Variants in CIB4 observed in about 807,000 individuals in gnomAD.
CIB4 encodes calcium and integrin binding family member 4.
In CIB4, 25 loss-of-function variants were observed where a neutral mutation model predicts 25.8. That is an observed-to-expected ratio of 0.97 (90% CI 0.71 to 1.35). CIB4 has a LOEUF of 1.35. Among genes scored for constraint, CIB4 ranks in the 40% most tolerant of loss-of-function variants. The probability of loss-of-function intolerance (pLI) is 0.00; values close to 1 mark genes in which losing one functional copy is unlikely to be tolerated. For synonymous variants in CIB4, 75 were observed against 81.4 expected, an observed-to-expected ratio of 0.92 and a Z score of 0.42; for missense variants, 235 against 228.2, an observed-to-expected ratio of 1.03 and a Z score of -0.19.
chr2:26,587,966 G>T (rs942079734), intron 4 of CIB4, among the ~76,000 whole-genome samples: 3 of 152,208 alleles, frequency 2.0e-5, no homozygotes, highest in African/African-American at 7.2e-5. Context: ...CAGGATATGG[G>T]TGTGGAAGGT....
At chr2:26,629,170 G>A (rs1205906692) in intron 3 of CIB4, among the ~76,000 whole-genome samples, 1 of 148,224 alleles carries the variant, frequency 6.7e-6, no homozygotes, top group African/African-American at 2.7e-5. Flanking sequence ...AGTAGTGACT[G>A]TTATCACAGG....
At chr2:26,622,851 C>G (rs1440787469) in intron 3 of CIB4, among the ~76,000 whole-genome samples, 1 of 152,066 alleles carries the variant, frequency 6.6e-6, no homozygotes, top group African/African-American at 2.4e-5. Context: ...GGCATGGCGG[C>G]ACGCGCCTGT....
In CIB4 at chr2:26,601,234, ATATATATATATATAT is replaced by A. The variant is rs1668783215; in HGVS notation, c.187-5932_187-5918del. 3.2e-3 allele frequency among the ~76,000 whole-genome samples: 28 copies of A among 8,824 alleles called. 2 individuals are homozygous for A. The highest frequency in any genetic ancestry group is 0.011 in the Admixed American group (9 of 814). 5.8% of individuals were successfully genotyped at this position (8,824 alleles called of 152,430 possible). On this transcript the variant is annotated intron_variant, in intron 3 of 6. Coordinates refer to ENST00000288861, the MANE Select transcript of CIB4 (RefSeq NM_001029881.3). ...GACCATGTCAAAAAAAAAAAAAAAT[ATATATATATATATAT>A]ATATATATATATATATATATGCATG...
rs80195660 is a variant in CIB4, at chr2:26,633,288, A to C, written c.90-3782T>G. Among the ~76,000 whole-genome samples, 42 of 152,198 alleles carry C rather than the reference A, an allele frequency of 2.8e-4. No individual in the cohort carries two copies. The East Asian group carries it at 7.3e-3, about 27-fold the overall frequency. On this transcript the variant is annotated intron_variant, in intron 2 of 6. Transcript: ENST00000288861. Reference sequence around the variant, plus strand: ...CGGGTGCACTCACACACATCATCTCACTGAATTTTCCCAACAACTCTCTGT... The same window carrying C: ...CGGGTGCACTCACACACATCATCTCCCTGAATTTTCCCAACAACTCTCTGT...
chr2:26,632,587 A>G (rs946769456), intron 2 of CIB4, among the ~76,000 whole-genome samples: 1 of 151,858 alleles, frequency 6.6e-6, no homozygotes, highest in African/African-American at 2.4e-5. Flanking sequence ...TGAAACACCA[A>G]CTCTACCAAA....
At chr2:26,611,696 T>C (rs1668998346) in intron 3 of CIB4, among the ~76,000 whole-genome samples, 1 of 152,204 alleles carries the variant, frequency 6.6e-6, no homozygotes, top group Non-Finnish European at 1.5e-5. Flanking sequence ...TACAAAATTA[T>C]TTATAGTAAC....
At chr2:26,605,988 C>T (rs932807844) in intron 3 of CIB4, among the ~76,000 whole-genome samples, 3 of 152,202 alleles carry the variant, frequency 2.0e-5, no homozygotes, top group Non-Finnish European at 4.4e-5. Context: ...CGCCATGAGT[C>T]CCATGACCCT....
intron 3 of CIB4, chr2:26,623,354 A>C: frequency 4.6e-6 from 1 of 216,856 alleles, no homozygotes; most frequent in South Asian, 8.4e-5. Context: ...AAATAAATAA[A>C]TAAATAATAA....
At chr2:26,635,768 A>G (rs1355191126) in intron 2 of CIB4, among the ~76,000 whole-genome samples, 3 of 152,118 alleles carry the variant, frequency 2.0e-5, no homozygotes, top group Non-Finnish European at 2.9e-5. Context: ...AAGATAACCT[A>G]TTATCAGTTT....
chr2:26,637,526 A>T (rs1477103032), intron 2 of CIB4, among the ~76,000 whole-genome samples: 3 of 151,924 alleles, frequency 2.0e-5, no homozygotes, highest in Non-Finnish European at 4.4e-5. Flanking sequence ...AAGCCCCCTG[A>T]ACTTTGCTTT....
At chr2:26,609,753 T>G (rs770543051) in intron 3 of CIB4, among the ~76,000 whole-genome samples, 1 of 152,216 alleles carries the variant, frequency 6.6e-6, no homozygotes, top group South Asian at 2.1e-4. Context: ...TCAATTTTAA[T>G]GCTGTTGTAC....
chr2:26,603,891 T>C (rs907636511), intron 3 of CIB4, among the ~76,000 whole-genome samples: 4 of 150,528 alleles, frequency 2.7e-5, no homozygotes, highest in African/African-American at 9.8e-5. Context: ...TAGTCATAGC[T>C]CTTCAGGAGA....
At chr2:26,635,314 C>A (rs913028747) in intron 2 of CIB4, among the ~76,000 whole-genome samples, 6 of 152,182 alleles carry the variant, frequency 3.9e-5, no homozygotes, top group African/African-American at 1.4e-4. Flanking sequence ...CCCCACCAGC[C>A]CCCAGGAGGT....
intron 3 of CIB4, among the ~76,000 whole-genome samples, chr2:26,605,890 G>A (rs185875525): frequency 3.3e-3 from 504 of 152,250 alleles, no homozygotes; most frequent in Non-Finnish European, 5.4e-3. Flanking sequence ...TGCTACTTTT[G>A]ACTCCATCGA....
In CIB4 at chr2:26,601,377, C is replaced by T. The variant is rs543897373; in HGVS notation, c.187-6060G>A. Among the ~76,000 whole-genome samples, 65 of 151,340 alleles carry T rather than the reference C, an allele frequency of 4.3e-4. No homozygotes were observed. In the South Asian group the frequency reaches 0.014, roughly 32 times the overall value. On this transcript the variant is annotated intron_variant, in intron 3 of 6. Transcript: ENST00000288861. Reference sequence around the variant, plus strand: ...CAGAAACAGACCCACACATATATGGCTACCTGATTTATGACAAAGATAACA... The same window carrying T: ...CAGAAACAGACCCACACATATATGGTTACCTGATTTATGACAAAGATAACA...
intron 2 of CIB4, among the ~76,000 whole-genome samples, chr2:26,636,204 T>C (rs1669529725): frequency 6.6e-6 from 1 of 152,222 alleles, no homozygotes; most frequent in Non-Finnish European, 1.5e-5. Flanking sequence ...ACAATTTTCC[T>C]GAATGAATAT....
intron 3 of CIB4, among the ~76,000 whole-genome samples, chr2:26,616,896 G>A (rs10201737): frequency 0.17 from 25,740 of 152,096 alleles, 3,125 homozygotes; most frequent in African/African-American, 0.32. Context: ...GGAAGGGCAG[G>A]GCCTCTTCAT....
chr2:26,628,745 T>C (rs1669357031), intron 3 of CIB4, among the ~76,000 whole-genome samples: 3 of 152,140 alleles, frequency 2.0e-5, no homozygotes, highest in Admixed American at 2.0e-4. Flanking sequence ...TCCTGTCTTC[T>C]CAGAGAAGAA....
chr2:26,601,805 C>G lies in CIB4; in HGVS notation c.187-6488G>C, dbSNP rs181495454. ...GGTGCATTCATGCAATGGAATACTA[C>G]TCAGCAATAAAAATGAAGAACCATT... On this transcript the variant is annotated intron_variant, in intron 3 of 6. Coordinates refer to ENST00000288861, the MANE Select transcript of CIB4 (RefSeq NM_001029881.3). 1.2e-4 allele frequency among the ~76,000 whole-genome samples: 19 copies of G among 152,226 alleles called. No homozygotes were observed. The East Asian group carries it at 3.5e-3, about 28-fold the overall frequency.
Sources: gnomAD v4.1 joint callset for allele counts (sites outside exome capture counted in the v4.1 genomes callset) on GRCh38, gnomAD v4.1.1 for gene constraint, MANE v1.5 for transcripts, NCBI Gene and HGNC (gene_info 2026-07-23, HGNC 2026-07-21) for gene names.